Variants in TRPM7 observed in about 807,000 individuals in gnomAD.
TRPM7 encodes transient receptor potential cation channel subfamily M member 7.
In TRPM7, 134 loss-of-function variants were observed where a neutral mutation model predicts 229.7. The observed-to-expected ratio is 0.58, with a 90% confidence interval of 0.51 to 0.67. TRPM7 has a LOEUF of 0.67. Ranked by LOEUF, TRPM7 falls within the 30% of genes least tolerant of loss-of-function variation. The probability of loss-of-function intolerance (pLI) is 0.00; values close to 1 mark genes in which losing one functional copy is unlikely to be tolerated. For synonymous variants in TRPM7, 699 were observed against 715.2 expected (o/e 0.98, Z 0.36); for missense variants, 1,901 against 2,210.0 (o/e 0.86, Z 2.80).
At chr15:50,647,136 T>C (rs1308234015) in intron 4 of TRPM7, among the ~76,000 whole-genome samples, 2 of 152,158 alleles carry the variant, frequency 1.3e-5, no homozygotes, top group Non-Finnish European at 2.9e-5. Context: ...ATTATAGTAT[T>C]CTTTTTCTTT....
chr15:50,643,109 T>C (rs1449656398), intron 5 of TRPM7, among the ~76,000 whole-genome samples: 4 of 152,060 alleles, frequency 2.6e-5, no homozygotes, highest in African/African-American at 9.7e-5. Flanking sequence ...ACCAATATGG[T>C]GAAACCTCGT....
chr15:50,568,996 TAAAC>T (rs774812707), intron 38 of TRPM7, among the ~76,000 whole-genome samples: 16 of 151,492 alleles, frequency 1.1e-4, no homozygotes, highest in African/African-American at 1.9e-4. Context: ...AACAAACAAA[TAAAC>T]AAACAAACAA....
At chr15:50,672,930 A>G (rs546277848) in intron 1 of TRPM7, among the ~76,000 whole-genome samples, 114 of 140,274 alleles carry the variant, frequency 8.1e-4, no homozygotes, top group African/African-American at 2.9e-3. Flanking sequence ...AAAAAAGCTT[A>G]TAGAATAAGT....
chr15:50,634,167 A>G (rs1424608147), intron 8 of TRPM7, among the ~76,000 whole-genome samples: 2 of 151,892 alleles, frequency 1.3e-5, no homozygotes, highest in Non-Finnish European at 2.9e-5. Flanking sequence ...AAAAAGATAC[A>G]AAAATTAGCC....
rs928393483 is a variant in TRPM7 at position 50,590,130 on chromosome 15, A to G, written c.4325-474T>C. 2.0e-5 allele frequency among the ~76,000 whole-genome samples: 3 copies of G among 152,188 alleles called. No individual in the cohort carries two copies. The East Asian group carries it at 5.8e-4, about 29-fold the overall frequency. Reference sequence around the variant, plus strand: ...CTTGGCCTCCCAAAGTGCTGGGATTACAGGCCTGAGCCACCGCACCTGGCC... The same window carrying G: ...CTTGGCCTCCCAAAGTGCTGGGATTGCAGGCCTGAGCCACCGCACCTGGCC... On this transcript the variant is annotated intron_variant, in intron 26 of 38. Transcript: ENST00000646667.
In TRPM7 at chr15:50,637,516, T is replaced by G; in HGVS notation, c.738A>C (p.Ile246=). The G allele has an allele frequency of 6.2e-7, 1 of 1,614,120 alleles. No individual in the cohort carries two copies. The highest frequency in any genetic ancestry group is 1.1e-5 in the South Asian group (1 of 91,072). The change falls in exon 7 of 39, where the codon ATA becomes ATC. Residue 246 remains isoleucine, a synonymous_variant. Transcript: ENST00000646667. ...NVLNNLHSHF[I]LVDDGTVGKY... ...TTCCAACAGTGCCATCATCCACCAA[T>G]ATGAAATGGGAATGCAGATTATTCA...
intron 21 of TRPM7, chr15:50,604,450 T>G (rs1167052269): frequency 6.5e-6 from 1 of 152,954 alleles, no homozygotes; most frequent in Non-Finnish European, 1.5e-5. Flanking sequence ...CACATGCCTG[T>G]AATCCCAGCT....
intron 31 of TRPM7, 57 bp downstream of exon 31, chr15:50,578,582 T>TG: frequency 6.5e-7 from 1 of 1,539,516 alleles, no homozygotes; most frequent in Non-Finnish European, 9.0e-7. Context: ...GTGTTTGCTG[T>TG]AACAGATCAT....
intron 1 of TRPM7, among the ~76,000 whole-genome samples, chr15:50,679,122 T>C (rs1002760485): frequency 1.4e-5 from 2 of 141,498 alleles, no homozygotes; most frequent in African/African-American, 5.5e-5. Context: ...TCCACCCGCC[T>C]CAGCCTTCCA....
chr15:50,593,813 A>G (rs2059564745), intron 24 of TRPM7, 64 bp from the exon 25 acceptor site: 2 of 1,483,502 alleles, frequency 1.3e-6, no homozygotes. Context: ...TTAGCTCATA[A>G]TTCTTACGAA....
At chr15:50,577,227 G>A (rs1451827185) in intron 31 of TRPM7, among the ~76,000 whole-genome samples, 1 of 152,010 alleles carries the variant, frequency 6.6e-6, no homozygotes, top group African/African-American at 2.4e-5. Context: ...ACAACAATGG[G>A]GAAAAAATGT....
intron 3 of TRPM7, among the ~76,000 whole-genome samples, chr15:50,656,885 T>G (rs952974002): frequency 2.6e-5 from 4 of 152,194 alleles, no homozygotes; most frequent in African/African-American, 9.7e-5. Flanking sequence ...ATTTATCTCA[T>G]TAAGCCCTTC....
chr15:50,675,763 C>A (rs1488256469), intron 1 of TRPM7, among the ~76,000 whole-genome samples: 2 of 152,136 alleles, frequency 1.3e-5, no homozygotes, highest in African/African-American at 4.8e-5. Context: ...TCTGAAAATT[C>A]CTAAATTTGT....
intron 33 of TRPM7, 21 bp from the exon 34 acceptor site, chr15:50,575,156 G>A: frequency 6.5e-7 from 1 of 1,532,182 alleles, no homozygotes; most frequent in Non-Finnish European, 8.8e-7. Flanking sequence ...AATGGAAAAA[G>A]TTTAAGATTA....
chr15:50,646,876 T>C (rs1291431935), intron 4 of TRPM7, among the ~76,000 whole-genome samples: 1 of 152,216 alleles, frequency 6.6e-6, no homozygotes, highest in Non-Finnish European at 1.5e-5. Context: ...TTTCCCATTG[T>C]GTTACACTGT....
At chr15:50,624,019 C>A in intron 12 of TRPM7, 147 bp downstream of exon 12, 1 of 768,008 alleles carries the variant, frequency 1.3e-6, no homozygotes, top group Non-Finnish European at 1.9e-6. Context: ...TGTAATACAA[C>A]CAATCCATAC....
At chr15:50,665,719 G>A (rs1007748357) in intron 1 of TRPM7, among the ~76,000 whole-genome samples, 2 of 152,164 alleles carry the variant, frequency 1.3e-5, no homozygotes, top group African/African-American at 2.4e-5. Context: ...GCTGGGCCAG[G>A]CACAGTGGAT....
chr15:50,679,849 T>C (rs2062204311), intron 1 of TRPM7, among the ~76,000 whole-genome samples: 2 of 152,042 alleles, frequency 1.3e-5, no homozygotes, highest in South Asian at 2.1e-4. Flanking sequence ...CCTGCTGCTT[T>C]TAACAAAGAG....
At chr15:50,665,274 G>A (rs1305697140) in intron 1 of TRPM7, among the ~76,000 whole-genome samples, 2 of 151,850 alleles carry the variant, frequency 1.3e-5, no homozygotes, top group Non-Finnish European at 2.9e-5. Context: ...GCACACATCT[G>A]TAATCCCAAC....
Sources: allele counts gnomAD v4.1 joint callset (sites outside exome capture counted in the v4.1 genomes callset), GRCh38; gene constraint gnomAD v4.1.1; transcripts MANE v1.5; gene names NCBI Gene and HGNC (gene_info 2026-07-23, HGNC 2026-07-21).